Variants in JAKMIP1 observed in about 807,000 individuals in gnomAD.
JAKMIP1 encodes janus kinase and microtubule-interacting protein 1.
JAKMIP1 carries 33 observed loss-of-function variants against 113.0 expected under a neutral mutation model. The observed-to-expected ratio is 0.29, with a 90% CI of 0.22 to 0.39. JAKMIP1 has a LOEUF of 0.39. JAKMIP1 is among the 10% of genes least tolerant of loss of function. The pLI, the probability that JAKMIP1 is intolerant of heterozygous loss-of-function variation, is 1.00. For missense variants in JAKMIP1, 813 were observed against 1,080.5 expected (o/e 0.75, Z 3.47); for synonymous variants, 480 against 459.9 (o/e 1.04, Z -0.56).
intron 2 of JAKMIP1, among the ~76,000 whole-genome samples, chr4:6,109,993 C>T (rs1383826999): frequency 2.0e-5 from 3 of 152,146 alleles, no homozygotes; most frequent in African/African-American, 7.2e-5. Context: ...TGGAAATTGC[C>T]ACACGTCCCA....
At chr4:6,075,645 C>G (rs1041539281) in intron 8 of JAKMIP1, among the ~76,000 whole-genome samples, 29 of 152,258 alleles carry the variant, frequency 1.9e-4, no homozygotes, top group African/African-American at 6.0e-4. Flanking sequence ...CATCACCGTT[C>G]TTCTGCAACA....
rs1243700064 is a variant in JAKMIP1 at position 6,061,641 on chromosome 4, G to A, written c.1560+671C>T. ...CAGTTCTGAGCCTGTTTCCTCATTCGGAAGATCGGGTTAATTCCTCCTGCT... is the reference window on the plus strand; with the variant it reads ...CAGTTCTGAGCCTGTTTCCTCATTCAGAAGATCGGGTTAATTCCTCCTGCT... On this transcript the variant is annotated intron_variant, in intron 10 of 20. Transcript: ENST00000409021. The surrounding 1 kb of genome is among the most constrained non-coding windows in gnomAD (Gnocchi z 5.3). Among the ~76,000 whole-genome samples the A allele has an allele frequency of 7.3e-5, 11 of 151,144 alleles. No individual in the cohort carries two copies. The highest frequency in any genetic ancestry group is 2.2e-4 in the African/African-American group (9 of 41,086).
chr4:6,064,836 G>A lies in JAKMIP1; in HGVS notation c.1431+44C>T. The A allele has an allele frequency of 6.2e-7, 1 of 1,611,286 alleles. No individual in the cohort carries two copies. Among genetic ancestry groups the A allele is most frequent in the Non-Finnish European group, 8.5e-7 (1 of 1,178,514 alleles). On this transcript the variant is annotated intron_variant, in intron 9 of 20. Transcript: ENST00000409021. This position sits in a 1 kb window ranked among gnomAD's most constrained non-coding sequence, Gnocchi z 4.3. ...TCAAAAGCAGGAGGTGCCGCCCCGA[G>A]AGCATCTGGGGTGAGGTCCCGCCCT...
In JAKMIP1 at chr4:6,137,372, C is replaced by A. The variant is rs191872484; in HGVS notation, c.-147-24375G>T. On this transcript the variant is annotated intron_variant, in intron 1 of 20. Coordinates refer to ENST00000409021, the MANE Select transcript of JAKMIP1 (RefSeq NM_001099433.2). The surrounding 1 kb of genome is among the most constrained non-coding windows in gnomAD (Gnocchi z 4.5). The stretch of plus-strand genomic sequence containing the variant: ...GATCAGCTTTAGACGGCACTGTTCC[C>A]GTACCTTCGCTGGGAGTCAGGAAAT... 1.7e-3 allele frequency among the ~76,000 whole-genome samples: 259 copies of A among 152,316 alleles called. No individual in the cohort carries two copies. Among genetic ancestry groups the A allele is most frequent in the Middle Eastern group, 6.8e-3 (2 of 294 alleles).
intron 1 of JAKMIP1, among the ~76,000 whole-genome samples, chr4:6,163,970 G>T (rs971496687): frequency 2.0e-5 from 3 of 152,210 alleles, no homozygotes; most frequent in African/African-American, 7.2e-5. Context: ...AAGGAAAGAA[G>T]CCATCTCCAT....
In JAKMIP1 at chr4:6,027,027, G is replaced by A. The variant is rs148827348; in HGVS notation, c.2446-749C>T. Reference sequence around the variant, plus strand: ...CAGGGTTCTTTCTTCCAAGAGAGTCGCTATTTAAAATCTTTTGTGCCATTT... The same window carrying A: ...CAGGGTTCTTTCTTCCAAGAGAGTCACTATTTAAAATCTTTTGTGCCATTT... On this transcript the variant is annotated intron_variant, in intron 20 of 20. Transcript: ENST00000409021. 2.2e-3 allele frequency among the ~76,000 whole-genome samples: 338 copies of A among 151,350 alleles called. 2 individuals carry two copies. The highest frequency in any genetic ancestry group is 7.5e-3 in the African/African-American group (308 of 41,242).
intron 1 of JAKMIP1, among the ~76,000 whole-genome samples, chr4:6,163,742 C>T (rs1430996063): frequency 6.6e-6 from 1 of 152,220 alleles, no homozygotes; most frequent in African/African-American, 2.4e-5. Flanking sequence ...ATTCAAAGTG[C>T]TACTCTGGTG....
At position 6,158,059 on chromosome 4, in the gene JAKMIP1, G is replaced by A. The variant is rs779405234; in HGVS notation, c.-148+42194C>T. Among the ~76,000 whole-genome samples, 62 of 152,224 alleles carry A rather than the reference G, an allele frequency of 4.1e-4. No individual in the cohort carries two copies. Among genetic ancestry groups the A allele is most frequent in the African/African-American group, 1.1e-3 (45 of 41,538 alleles). On this transcript the variant is annotated intron_variant, in intron 1 of 20. Coordinates refer to ENST00000409021, the MANE Select transcript of JAKMIP1 (RefSeq NM_001099433.2). The surrounding 1 kb of genome is among the most constrained non-coding windows in gnomAD (Gnocchi z 5.3). ...GCTATGAGGTAGGGCTCAAGCTGTC[G>A]GCCAGCGCCGTCCCTCTCCCTGTGT...
intron 3 of JAKMIP1, among the ~76,000 whole-genome samples, chr4:6,087,445 T>G (rs960559550): frequency 6.6e-6 from 1 of 152,186 alleles, no homozygotes; most frequent in African/African-American, 2.4e-5. Context: ...CTGCCATCAG[T>G]GTTCACTGCC....
rs1713886725 is a variant in JAKMIP1 at position 6,106,033 on chromosome 4, A to AGGGT, written c.130-67_130-66insACCC. On this transcript the variant is annotated intron_variant, in intron 2 of 20. Transcript: ENST00000409021. The surrounding 1 kb of genome is among the most constrained non-coding windows in gnomAD (Gnocchi z 5.9). ...CAGGGTCAGGGTCAGGGTCAGGGTC[A>AGGGT]CAGCTGGGGGAGCTGGCCACAGCCT... is the stretch of plus-strand genomic sequence containing the variant. The AGGGT allele has an allele frequency of 3.5e-6, 4 of 1,150,804 alleles. No individual in the cohort carries two copies. Among genetic ancestry groups the AGGGT allele is most frequent in the African/African-American group, 1.5e-5 (1 of 64,680 alleles). 71.3% of individuals were successfully genotyped at this position (1,150,804 alleles called of 1,614,324 possible). A position where few individuals can be genotyped will look rare whatever the true frequency, so the allele number is the denominator to read the frequency against.
In JAKMIP1 at chr4:6,029,161, A is replaced by T. The variant is rs555758313; in HGVS notation, c.2445+555T>A. Among the ~76,000 whole-genome samples the T allele has an allele frequency of 7.2e-5, 11 of 152,372 alleles. No homozygotes were observed. The East Asian group carries it at 2.1e-3, about 29-fold the overall frequency. ...CCTTCCTAGCTGTGGGACCATGGAC[A>T]GGTGTCCTAATCTATCTCTGCCTCA... On this transcript the variant is annotated intron_variant, in intron 20 of 20. Transcript: ENST00000409021.
Position 6,081,618 on chromosome 4 carries a change from G to A in JAKMIP1, c.1092C>T (p.Asn364=), listed in dbSNP as rs61731760. 2.8e-3 allele frequency: 4,490 copies of A among 1,614,090 alleles called. 111 individuals are homozygous for A. The African/African-American group carries it at 0.053, about 19-fold the overall frequency. Reference sequence around the variant, plus strand: ...GGGGTCCACAGCTCACCATTTCCACGTTTTCCCGCGTGAGGTTCTTGATTT... The same window carrying A: ...GGGGTCCACAGCTCACCATTTCCACATTTTCCCGCGTGAGGTTCTTGATTT... The part of the protein sequence containing the change: ...EEKIKNLTRE[N]VEMKEKLSAQ... The change falls in exon 6 of 21, where the codon AAC becomes AAT. Residue 364 remains asparagine (N), a synonymous_variant. Coordinates refer to ENST00000409021, the MANE Select transcript of JAKMIP1 (RefSeq NM_001099433.2). This position sits in a 1 kb window ranked among gnomAD's most constrained non-coding sequence, Gnocchi z 4.6.
rs538748316 is a variant in JAKMIP1, at chr4:6,163,337, A to G, written c.-148+36916T>C. 3.3e-5 allele frequency among the ~76,000 whole-genome samples: 5 copies of G among 152,242 alleles called. No individual in the cohort carries two copies. In the East Asian group the frequency reaches 7.7e-4, roughly 24 times the overall value. On this transcript the variant is annotated intron_variant, in intron 1 of 20. Transcript: ENST00000409021. ...TTCTTGCAATATTTCAAACATTTCC[A>G]TTTTCCATCATGGTGATCTGTGACC...
At position 6,175,707 on chromosome 4, in the gene JAKMIP1, C is replaced by T. The variant is rs114814796; in HGVS notation, c.-148+24546G>A. Among the ~76,000 whole-genome samples the T allele has an allele frequency of 1.9e-3, 285 of 152,256 alleles. 2 individuals are homozygous for T. Among genetic ancestry groups the T allele is most frequent in the African/African-American group, 5.1e-3 (213 of 41,482 alleles). On this transcript the variant is annotated intron_variant, in intron 1 of 20. Transcript: ENST00000409021. ...TGCCTTAGAACACCAGCACCCTGCT[C>T]GTGCCTGGGGCATGCCTGCCAATCC...
intron 12 of JAKMIP1, chr4:6,054,636 G>A (rs1389510635): frequency 4.6e-5 from 19 of 416,200 alleles, no homozygotes; most frequent in African/African-American, 1.6e-4. Flanking sequence ...AGAAGAAGCC[G>A]TAAAGGCAGG....
At chr4:6,091,797 A>T (rs192116500) in intron 3 of JAKMIP1, among the ~76,000 whole-genome samples, 1 of 152,238 alleles carries the variant, frequency 6.6e-6, no homozygotes, top group Non-Finnish European at 1.5e-5. Flanking sequence ...TTGGCACAGT[A>T]TGGGGTTAAG....
At chr4:6,038,292 C>G (rs1037176627) in intron 18 of JAKMIP1, among the ~76,000 whole-genome samples, 1 of 148,908 alleles carries the variant, frequency 6.7e-6, no homozygotes, top group African/African-American at 2.5e-5. Context: ...TAACCGGTAT[C>G]CCTCCATCAC....
In JAKMIP1 at chr4:6,162,529, G is replaced by A. The variant is rs1446014470; in HGVS notation, c.-148+37724C>T. On this transcript the variant is annotated intron_variant, in intron 1 of 20. Transcript: ENST00000409021. The surrounding 1 kb of genome is among the most constrained non-coding windows in gnomAD (Gnocchi z 5.6). Reference sequence around the variant, plus strand: ...TTACACATGTTTCATTCCAAAAAGAGAATGCAGTATTAGTGTTCTGATTAG... The same window carrying A: ...TTACACATGTTTCATTCCAAAAAGAAAATGCAGTATTAGTGTTCTGATTAG... Among the ~76,000 whole-genome samples the A allele has an allele frequency of 6.6e-6, 1 of 152,188 alleles. No individual in the cohort carries two copies. Among genetic ancestry groups the A allele is most frequent in the African/African-American group, 2.4e-5 (1 of 41,448 alleles).
At chr4:6,084,773 G>A in intron 5 of JAKMIP1, 73 bp downstream of exon 5, 2 of 1,481,860 alleles carry the variant, frequency 1.3e-6, no homozygotes, top group Non-Finnish European at 1.8e-6. Flanking sequence ...TTTCTGTGCA[G>A]GGCATGTTTC....
Sources: allele counts gnomAD v4.1 joint callset (sites outside exome capture counted in the v4.1 genomes callset), GRCh38; gene constraint gnomAD v4.1.1; non-coding constraint Gnocchi (gnomAD v3.1); transcripts MANE v1.5; gene names NCBI Gene and HGNC (gene_info 2026-07-23, HGNC 2026-07-21).